SHANK2: variants seen among roughly 807,000 people sequenced by gnomAD.
SHANK2 encodes the protein SH3 and multiple ankyrin repeat domains protein 2.
A neutral mutation model predicts 133.7 loss-of-function variants in SHANK2; 43 were observed. That is an observed-to-expected ratio of 0.32 (90% CI 0.25 to 0.41). SHANK2 has a LOEUF of 0.41. SHANK2 is among the 10% of genes least tolerant of loss of function. The pLI is 1.00. For synonymous variants in SHANK2, 1,017 were observed against 952.8 expected, an observed-to-expected ratio of 1.07 and a Z score of -1.24; for missense variants, 1,994 against 2,235.8, an observed-to-expected ratio of 0.89 and a Z score of 2.18.
intron 17 of SHANK2, among the ~76,000 whole-genome samples, chr11:70,558,739 C>T (rs1178450985): frequency 6.6e-6 from 1 of 152,154 alleles, no homozygotes; most frequent in Admixed American, 6.5e-5. Context: ...GGACTGTGCA[C>T]ACCTGAGCGG....
intron 14 of SHANK2, among the ~76,000 whole-genome samples, chr11:70,714,834 C>T (rs571887791): frequency 2.0e-5 from 3 of 152,034 alleles, no homozygotes. Flanking sequence ...GAGACAGAAT[C>T]TTGTTCTATT....
At chr11:71,251,547 G>A (rs1948179780) in intron 1 of SHANK2, among the ~76,000 whole-genome samples, 1 of 151,600 alleles carries the variant, frequency 6.6e-6, no homozygotes, top group African/African-American at 2.4e-5. Flanking sequence ...TGGGCGGGCG[G>A]AGCTGCCCGG....
chr11:70,596,577 G>GC (rs2060403969), intron 17 of SHANK2, among the ~76,000 whole-genome samples: 1 of 152,248 alleles, frequency 6.6e-6, no homozygotes, highest in South Asian at 2.1e-4. Context: ...ACTGAGGGCA[G>GC]AATCCTGATG....
At chr11:71,186,741 A>G (rs1343994101) in intron 2 of SHANK2, among the ~76,000 whole-genome samples, 1 of 152,232 alleles carries the variant, frequency 6.6e-6, no homozygotes, top group Non-Finnish European at 1.5e-5. Flanking sequence ...TTAGTGGCAC[A>G]TTATTTCTGT....
At chr11:70,716,895 G>GCCCCCCCCCCCCCCCCCCTCGACCCC (rs60827522) in intron 14 of SHANK2, among the ~76,000 whole-genome samples, 1 of 138,392 alleles carries the variant, frequency 7.2e-6, no homozygotes, top group African/African-American at 2.9e-5. Context: ...GGGTCCCGGA[G>GCCCCCCCCCCCCCCCCCCTCGACCCC]CCCCCCCCCC....
chr11:70,483,398 G>A (rs2058760653), intron 25 of SHANK2, among the ~76,000 whole-genome samples: 1 of 152,010 alleles, frequency 6.6e-6, no homozygotes, highest in South Asian at 2.1e-4. Context: ...GGTTAAACTA[G>A]TCAGTTTTTC....
At chr11:70,575,789 G>A (rs555749520) in intron 17 of SHANK2, among the ~76,000 whole-genome samples, 40 of 152,058 alleles carry the variant, frequency 2.6e-4, no homozygotes, top group African/African-American at 7.7e-4. Context: ...GCCCCCGCCC[G>A]TGGTGGGTGA....
At chr11:70,912,218 C>T (rs537995732) in intron 10 of SHANK2, among the ~76,000 whole-genome samples, 1 of 150,764 alleles carries the variant, frequency 6.6e-6, no homozygotes, top group South Asian at 2.1e-4. Context: ...AAATATTTTA[C>T]TTCATTCAAT....
chr11:70,638,438 G>A (rs781242305), intron 17 of SHANK2, among the ~76,000 whole-genome samples: 67 of 152,178 alleles, frequency 4.4e-4, no homozygotes, highest in Non-Finnish European at 6.0e-4. Context: ...GGATGTGCTC[G>A]GCGCCCTGCT....
chr11:70,860,142 C>G (rs1252407395), intron 11 of SHANK2, among the ~76,000 whole-genome samples: 13 of 152,340 alleles, frequency 8.5e-5, no homozygotes, highest in African/African-American at 2.6e-4. Context: ...TCAGAAGCCT[C>G]TTTGCTCCAG....
chr11:70,696,632 T>C (rs1260042228), intron 15 of SHANK2, among the ~76,000 whole-genome samples: 2 of 152,110 alleles, frequency 1.3e-5, no homozygotes, highest in African/African-American at 2.4e-5. Flanking sequence ...AGTGGGCGAG[T>C]GTAGCAAGAC....
intron 2 of SHANK2, among the ~76,000 whole-genome samples, chr11:71,159,920 A>G (rs1369517388): frequency 1.3e-5 from 2 of 151,780 alleles, no homozygotes; most frequent in East Asian, 1.9e-4. Flanking sequence ...CCAGGAGATG[A>G]AAGTTGCAGT....
intron 14 of SHANK2, among the ~76,000 whole-genome samples, chr11:70,774,326 G>GA (rs552847045): frequency 6.9e-6 from 1 of 145,426 alleles, no homozygotes; most frequent in African/African-American, 2.5e-5. Flanking sequence ...AGTGACTTTT[G>GA]TTTTTTTTTT....
At chr11:71,162,420 C>T (rs1303313588) in intron 2 of SHANK2, among the ~76,000 whole-genome samples, 1 of 139,388 alleles carries the variant, frequency 7.2e-6, no homozygotes, top group African/African-American at 2.5e-5. Context: ...TCCCAAAGGC[C>T]CCACCTCCAA....
intron 9 of SHANK2, among the ~76,000 whole-genome samples, chr11:71,058,989 C>T (rs1049084057): frequency 2.6e-5 from 4 of 152,254 alleles, no homozygotes; most frequent in East Asian, 3.9e-4. Flanking sequence ...CTGAGATGGG[C>T]GGATCACCTG....
chr11:71,073,622 C>A (rs1951179277), intron 9 of SHANK2, among the ~76,000 whole-genome samples: 1 of 152,106 alleles, frequency 6.6e-6, no homozygotes, highest in African/African-American at 2.4e-5. Context: ...CACATGCCAC[C>A]ATACCCGGCT....
chr11:70,538,226 C>T (rs1466684221), intron 17 of SHANK2, among the ~76,000 whole-genome samples: 2 of 152,228 alleles, frequency 1.3e-5, no homozygotes, highest in Admixed American at 1.3e-4. Context: ...GTGGACATAG[C>T]CAGCAGCCCA....
intron 14 of SHANK2, among the ~76,000 whole-genome samples, chr11:70,772,119 C>T (rs1226305491): frequency 5.3e-5 from 8 of 152,026 alleles, no homozygotes; most frequent in East Asian, 1.9e-4. Flanking sequence ...GCATGGGGCC[C>T]GTGTAACAGT....
At chr11:70,702,119 C>T (rs1482009883) in intron 14 of SHANK2, among the ~76,000 whole-genome samples, 1 of 151,436 alleles carries the variant, frequency 6.6e-6, no homozygotes, top group East Asian at 2.0e-4. Context: ...ATCATCACCA[C>T]CATCACCACA....
Sources: allele counts gnomAD v4.1 joint callset (sites outside exome capture counted in the v4.1 genomes callset), GRCh38; gene constraint gnomAD v4.1.1; transcripts MANE v1.5; gene names NCBI Gene and HGNC (gene_info 2026-07-23, HGNC 2026-07-21).